Variants in STPG4 observed in about 807,000 individuals in gnomAD.
STPG4 encodes the protein sperm-tail PG-rich repeat containing 4.
A neutral mutation model predicts 31.5 loss-of-function variants in STPG4; 41 were observed. That is an observed-to-expected ratio of 1.30 (90% CI 1.01 to 1.69). The LOEUF (loss-of-function observed/expected upper bound fraction) is 1.69. STPG4 is among the 40% of genes most tolerant of loss of function. STPG4 has a pLI of 0.00. For missense variants in STPG4, 375 were observed against 293.4 expected (o/e 1.28, Z -2.03); for synonymous variants, 141 against 103.0 (o/e 1.37, Z -2.24).
chr2:47,151,216 A>G (rs1301241276), intron 3 of STPG4, 42 bp downstream of exon 3: 2 of 1,606,870 alleles, frequency 1.2e-6, no homozygotes, highest in Non-Finnish European at 1.7e-6. Context: ...AGGGGCTCTT[A>G]GTAGCTTTCC....
intron 3 of STPG4, among the ~76,000 whole-genome samples, chr2:47,147,127 T>TTAAA (rs928787833): frequency 6.6e-5 from 10 of 151,896 alleles, no homozygotes; most frequent in African/African-American, 1.9e-4. Flanking sequence ...TGACAGTGTC[T>TTAAA]TAAATAAATA....
intron 6 of STPG4, among the ~76,000 whole-genome samples, chr2:47,087,332 T>C (rs1685477385): frequency 6.6e-6 from 1 of 152,198 alleles, no homozygotes; most frequent in African/African-American, 2.4e-5. Context: ...TAGGGGCTCA[T>C]CATGAGGCTG....
intron 3 of STPG4, among the ~76,000 whole-genome samples, chr2:47,130,577 G>A (rs565998434): frequency 1.1e-4 from 16 of 152,222 alleles, no homozygotes; most frequent in African/African-American, 3.6e-4. Context: ...GTGCAGTGGC[G>A]TGATTTCCGC....
At chr2:47,107,759 G>T (rs893008488) in intron 5 of STPG4, among the ~76,000 whole-genome samples, 1 of 152,144 alleles carries the variant, frequency 6.6e-6, no homozygotes, top group South Asian at 2.1e-4. Context: ...TGGTGGGGAC[G>T]TGGAGAACCT....
At chr2:47,145,310 T>C (rs966641281) in intron 3 of STPG4, among the ~76,000 whole-genome samples, 2 of 152,188 alleles carry the variant, frequency 1.3e-5, no homozygotes, top group African/African-American at 4.8e-5. Context: ...AGAAAGGTAC[T>C]TCCTGAAAGT....
chr2:47,147,926 A>C (rs1686858185), intron 3 of STPG4, among the ~76,000 whole-genome samples: 1 of 151,776 alleles, frequency 6.6e-6, no homozygotes, highest in Non-Finnish European at 1.5e-5. Flanking sequence ...ATGCACACAC[A>C]CACACATTCA....
chr2:47,133,349 T>C (rs1298732403), intron 3 of STPG4, among the ~76,000 whole-genome samples: 1 of 151,678 alleles, frequency 6.6e-6, no homozygotes, highest in Non-Finnish European at 1.5e-5. Flanking sequence ...AAAATTATTG[T>C]AGAGTTGAGA....
chr2:47,090,281 G>A lies in STPG4; in HGVS notation c.613C>T (p.Pro205Ser). The change falls in exon 6 of 7, where the codon CCC becomes TCC. Residue 205 changes from proline to serine, a missense_variant. By Grantham distance (74) the Pro-to-Ser change is moderately conservative. Transcript: ENST00000445927. ...CFQSRVPRFL[P>S]SCSKTPGPGA... Reference sequence around the variant, plus strand: ...TTCCGAATACTTACTGAACAGCTGGGCAAGAATCGAGGGACTCTGGATTGA... The same window carrying A: ...TTCCGAATACTTACTGAACAGCTGGACAAGAATCGAGGGACTCTGGATTGA... 6.4e-7 allele frequency: 1 copy of A among 1,550,712 alleles called. No homozygotes were observed. The highest frequency in any genetic ancestry group is 8.7e-7 in the Non-Finnish European group (1 of 1,146,056).
intron 5 of STPG4, among the ~76,000 whole-genome samples, chr2:47,097,903 A>C (rs1307742278): frequency 6.8e-6 from 1 of 147,732 alleles, no homozygotes; most frequent in Non-Finnish European, 1.5e-5. Context: ...AGATCTCTTG[A>C]GGCCAGGAGT....
intron 5 of STPG4, among the ~76,000 whole-genome samples, chr2:47,116,242 G>A (rs940542463): frequency 2.2e-4 from 34 of 152,172 alleles, no homozygotes; most frequent in African/African-American, 8.2e-4. Flanking sequence ...ACTTTAAGAG[G>A]TGATTAGGCC....
At position 47,100,254 on chromosome 2, in the gene STPG4, A is replaced by C. The variant is rs1685766759; in HGVS notation, c.520-9880T>G. ...CTAGCTCAGGGATTGTAAATACACC[A>C]ATCAGCACTCTGTATCTAGCTCAAG... is the stretch of plus-strand genomic sequence containing the variant. On this transcript the variant is annotated intron_variant, in intron 5 of 6. Coordinates refer to ENST00000445927, the MANE Select transcript of STPG4 (RefSeq NM_001163561.2). Among the ~76,000 whole-genome samples the C allele has an allele frequency of 1.3e-5, 2 of 151,852 alleles. 1 individual carries two copies. The highest frequency in any genetic ancestry group is 4.2e-4 in the South Asian group (2 of 4,806).
chr2:47,090,345 A>T lies in STPG4; in HGVS notation c.549T>A (p.Asn183Lys). The change falls in exon 6 of 7, where the codon AAT becomes AAA. Residue 183 changes from asparagine to lysine, a missense_variant. Transcript: ENST00000445927. ...PHEGPGPGHY[N>K]VKMPPTSSVT... ...CAGAGCTTGTTGGAGGCATTTTCAC[A>T]TTATAATGACCTGGACCAGGGCCTT... 2 of 1,552,082 alleles carry T rather than the reference A, an allele frequency of 1.3e-6. No homozygotes were observed. The highest frequency in any genetic ancestry group is 1.7e-6 in the Non-Finnish European group (2 of 1,146,962).
At chr2:47,133,023 C>T (rs954370960) in intron 3 of STPG4, among the ~76,000 whole-genome samples, 4 of 151,806 alleles carry the variant, frequency 2.6e-5, no homozygotes, top group Non-Finnish European at 4.4e-5. Context: ...TGAAAGGGGG[C>T]TTTTTTTTCA....
chr2:47,132,124 C>A (rs1686497756), intron 3 of STPG4, among the ~76,000 whole-genome samples: 4 of 150,842 alleles, frequency 2.7e-5, no homozygotes, highest in Admixed American at 2.0e-4. Flanking sequence ...AAGATCGTGC[C>A]ACTGGACTCC....
Position 47,116,972 on chromosome 2 carries a change from G to T in STPG4, c.519+12969C>A, listed in dbSNP as rs141196225. ...CAACTAATGAATACCTTATGGAAAG[G>T]CTCTTGGACCCAAAAGCTGAGAGGA... On this transcript the variant is annotated intron_variant, in intron 5 of 6. Transcript: ENST00000445927. Among the ~76,000 whole-genome samples the T allele has an allele frequency of 7.0e-3, 1,068 of 152,140 alleles. 40 individuals are homozygous for T. The highest frequency in any genetic ancestry group is 0.055 in the Admixed American group (839 of 15,282).
chr2:47,092,622 A>AGGGGAGGGG (rs1685593404), intron 5 of STPG4, among the ~76,000 whole-genome samples: 1 of 112,074 alleles, frequency 8.9e-6, no homozygotes, highest in Non-Finnish European at 1.8e-5. Flanking sequence ...GAGGAGGAGA[A>AGGGGAGGGG]AGGGAGCAGA....
chr2:47,109,247 ACAT>A (rs1685987974), intron 5 of STPG4, among the ~76,000 whole-genome samples: 1 of 152,202 alleles, frequency 6.6e-6, no homozygotes, highest in Non-Finnish European at 1.5e-5. Context: ...GCCAGGATAA[ACAT>A]CATTTTCTTG....
chr2:47,091,490 C>T (rs1308731553), intron 5 of STPG4, among the ~76,000 whole-genome samples: 8 of 152,206 alleles, frequency 5.3e-5, no homozygotes, highest in African/African-American at 1.9e-4. Context: ...CCTAGTAATT[C>T]GCTTTTTTCC....
intron 5 of STPG4, among the ~76,000 whole-genome samples, chr2:47,102,511 C>G (rs35232531): frequency 0.055 from 8,335 of 151,796 alleles, 422 homozygotes; most frequent in African/African-American, 0.11. Flanking sequence ...CTGTAAGAGG[C>G]AAGGCAAATG....
Sources: gnomAD v4.1 joint callset for allele counts (sites outside exome capture counted in the v4.1 genomes callset) on GRCh38, gnomAD v4.1.1 for gene constraint, MANE v1.5 for transcripts, NCBI Gene and HGNC (gene_info 2026-07-23, HGNC 2026-07-21) for gene names.